The following CFAP299 variants were observed in gnomAD, a reference collection of about 807,000 sequenced individuals.
CFAP299 encodes the protein cilia- and flagella-associated protein 299.
CFAP299 carries 21 observed loss-of-function variants against 27.0 expected under a neutral mutation model. The ratio of observed to expected loss-of-function variants is 0.78; its 90% CI spans 0.55 to 1.12. CFAP299 has a LOEUF of 1.12. Ranked by LOEUF, CFAP299 falls within the 50% of genes most tolerant of loss-of-function variation. CFAP299 has a pLI of 0.00. For missense variants in CFAP299, 310 were observed against 276.6 expected (o/e 1.12, Z -0.86); for synonymous variants, 104 against 98.1 (o/e 1.06, Z -0.36).
chr4:80,380,170 G>T (rs1296561194), intron 2 of CFAP299, among the ~76,000 whole-genome samples: 1 of 151,604 alleles, frequency 6.6e-6, no homozygotes. Flanking sequence ...TTCACTCTTG[G>T]CAAGATTTTT....
chr4:80,509,495 A>C (rs1331505617), intron 2 of CFAP299, among the ~76,000 whole-genome samples: 1 of 152,190 alleles, frequency 6.6e-6, no homozygotes, highest in African/African-American at 2.4e-5. Context: ...ATATGTTGTC[A>C]TATCCATTCA....
chr4:80,673,289 G>A (rs557594360), intron 3 of CFAP299, among the ~76,000 whole-genome samples: 30 of 152,226 alleles, frequency 2.0e-4, no homozygotes, highest in African/African-American at 7.0e-4. Flanking sequence ...CTCAGGAGCA[G>A]GTTGTTCAGT....
chr4:80,911,500 C>A (rs1363792548), intron 4 of CFAP299, among the ~76,000 whole-genome samples: 1 of 152,066 alleles, frequency 6.6e-6, no homozygotes, highest in Admixed American at 6.5e-5. Flanking sequence ...ACCAGGTATC[C>A]ACTCCAAATG....
chr4:80,772,060 G>A (rs1726249850), intron 3 of CFAP299, among the ~76,000 whole-genome samples: 1 of 152,122 alleles, frequency 6.6e-6, no homozygotes, highest in Admixed American at 6.6e-5. Context: ...AGGTTATTAT[G>A]AACAGCTCTG....
intron 2 of CFAP299, among the ~76,000 whole-genome samples, chr4:80,503,413 T>C (rs1731836442): frequency 6.6e-6 from 1 of 152,168 alleles, no homozygotes; most frequent in Admixed American, 6.6e-5. Context: ...AAATATTGTT[T>C]TTCTTTTGCA....
At chr4:80,588,043 G>T (rs1004151551) in intron 3 of CFAP299, among the ~76,000 whole-genome samples, 1 of 151,296 alleles carries the variant, frequency 6.6e-6, no homozygotes, top group African/African-American at 2.5e-5. Flanking sequence ...GCTAGGCAGA[G>T]ATGTGGTTTC....
chr4:80,593,969 GT>G (rs1736920497), intron 3 of CFAP299, among the ~76,000 whole-genome samples: 2 of 152,030 alleles, frequency 1.3e-5, no homozygotes, highest in African/African-American at 2.4e-5. Context: ...TTGTTTTTTA[GT>G]TGCCAAATAT....
chr4:80,661,188 T>A (rs1217395163), intron 3 of CFAP299, among the ~76,000 whole-genome samples: 1 of 151,976 alleles, frequency 6.6e-6, no homozygotes, highest in African/African-American at 2.4e-5. Flanking sequence ...TAATCGGATG[T>A]GGTTGCGTGC....
At chr4:80,948,824 C>CAAT (rs1737612350) in intron 5 of CFAP299, among the ~76,000 whole-genome samples, 1 of 151,678 alleles carries the variant, frequency 6.6e-6, no homozygotes, top group Non-Finnish European at 1.5e-5. Context: ...CCTCCAAAAG[C>CAAT]AATAATAACA....
intron 3 of CFAP299, among the ~76,000 whole-genome samples, chr4:80,739,940 T>C (rs1347035940): frequency 6.6e-6 from 1 of 152,178 alleles, no homozygotes. Context: ...TCAATTCTAT[T>C]AAAATACTGA....
At chr4:80,393,444 C>T (rs1464016909) in intron 2 of CFAP299, among the ~76,000 whole-genome samples, 1 of 135,176 alleles carries the variant, frequency 7.4e-6, no homozygotes, top group Non-Finnish European at 1.7e-5. Context: ...ACCACTGACT[C>T]ACTGACTCAC....
chr4:80,892,166 A>G (rs539218514), intron 4 of CFAP299, among the ~76,000 whole-genome samples: 76 of 152,224 alleles, frequency 5.0e-4, no homozygotes, highest in African/African-American at 1.5e-3. Flanking sequence ...AAACATATAG[A>G]CCAGTGAGAC....
rs148760192 is a variant in CFAP299 at position 80,634,622 on chromosome 4, G to C, written c.333+51439G>C. 5.8e-3 allele frequency among the ~76,000 whole-genome samples: 878 copies of C among 152,234 alleles called. 5 individuals are homozygous for C. Among genetic ancestry groups the C allele is most frequent in the African/African-American group, 0.02 (819 of 41,544 alleles). On this transcript the variant is annotated intron_variant, in intron 3 of 5. Transcript: ENST00000358105. ...CTACCTTGGCTGCAATTATTACAAA[G>C]TGGTATTATCTTACAGCATATGGGG...
At chr4:80,451,433 G>C (rs1238999430) in intron 2 of CFAP299, among the ~76,000 whole-genome samples, 1 of 152,150 alleles carries the variant, frequency 6.6e-6, no homozygotes, top group Non-Finnish European at 1.5e-5. Context: ...ACAGAATTCA[G>C]CTCAAAATAT....
At chr4:80,944,684 C>A in intron 4 of CFAP299, 126 bp from the exon 5 acceptor site, 1 of 664,582 alleles carries the variant, frequency 1.5e-6, no homozygotes, top group Non-Finnish European at 2.6e-6. Context: ...ATGTGTTCTA[C>A]ATGGTTGTAT....
intron 3 of CFAP299, among the ~76,000 whole-genome samples, chr4:80,799,462 A>G (rs1728133906): frequency 1.2e-5 from 1 of 83,912 alleles, no homozygotes; most frequent in South Asian, 3.8e-4. Flanking sequence ...TATATAATAT[A>G]TTTTATAAAT....
At chr4:80,327,750 T>TATATAACTTCAATACA in the CFAP299 span, among the ~76,000 whole-genome samples, 1 of 144,604 alleles carries the variant, frequency 6.9e-6, no homozygotes, top group African/African-American at 2.6e-5. Context: ...TATATATATG[T>TATATAACTTCAATACA]TGAGAAAGCT....
intron 4 of CFAP299, among the ~76,000 whole-genome samples, chr4:80,937,885 T>C (rs538707952): frequency 3.7e-4 from 57 of 152,276 alleles, no homozygotes; most frequent in Non-Finnish European, 6.8e-4. Flanking sequence ...TTAATCTTTG[T>C]TTAATCTGCT....
chr4:80,422,721 A>G (rs999993605), intron 2 of CFAP299, among the ~76,000 whole-genome samples: 1 of 152,204 alleles, frequency 6.6e-6, no homozygotes, highest in African/African-American at 2.4e-5. Context: ...TGAATGTACA[A>G]TACAAGAATT....
Sources: gnomAD v4.1 joint callset for allele counts (sites outside exome capture counted in the v4.1 genomes callset) on GRCh38, gnomAD v4.1.1 for gene constraint, MANE v1.5 for transcripts, NCBI Gene and HGNC (gene_info 2026-07-23, HGNC 2026-07-21) for gene names.